The following BCKDHB variants were observed in gnomAD, a reference collection of about 807,000 sequenced individuals.
BCKDHB encodes 2-oxoisovalerate dehydrogenase subunit beta, mitochondrial.
In BCKDHB, 41 loss-of-function variants were observed where a neutral mutation model predicts 48.5. The ratio of observed to expected loss-of-function variants is 0.85; its 90% confidence interval spans 0.66 to 1.10. The LOEUF is 1.10. Among genes scored for constraint, BCKDHB ranks in the 50% least tolerant of loss-of-function variants. The pLI is 0.00. For synonymous variants in BCKDHB, 201 were observed against 174.8 expected (o/e 1.15, Z -1.18); for missense variants, 496 against 494.2 (o/e 1.00, Z -0.03).
intron 8 of BCKDHB, among the ~76,000 whole-genome samples, chr6:80,254,360 TGTGA>T (rs962764152): frequency 5.3e-5 from 8 of 152,086 alleles, no homozygotes; most frequent in Non-Finnish European, 8.8e-5. Context: ...GTGATTGTAA[TGTGA>T]GTGATTTTTA....
intron 3 of BCKDHB, among the ~76,000 whole-genome samples, chr6:80,137,476 A>G (rs1770945434): frequency 6.6e-6 from 1 of 151,772 alleles, no homozygotes; most frequent in Non-Finnish European, 1.5e-5. Flanking sequence ...GCAGCCTTGA[A>G]CTCTTGGGCT....
chr6:80,238,874 G>A (rs1265044453), intron 8 of BCKDHB, among the ~76,000 whole-genome samples: 4 of 152,054 alleles, frequency 2.6e-5, no homozygotes, highest in Non-Finnish European at 5.9e-5. Flanking sequence ...CCTTGTGATA[G>A]TTTGCTCAGA....
At chr6:80,266,491 A>G (rs988512997) in intron 8 of BCKDHB, among the ~76,000 whole-genome samples, 1 of 152,000 alleles carries the variant, frequency 6.6e-6, no homozygotes, top group Non-Finnish European at 1.5e-5. Context: ...CCAGTACAAT[A>G]CCTTTGCCGC....
chr6:80,418,075 G>C, the BCKDHB span, among the ~76,000 whole-genome samples: 1 of 151,868 alleles, frequency 6.6e-6, no homozygotes, highest in Non-Finnish European at 1.5e-5. Context: ...TTGTTTCAGA[G>C]AGCTCATCTT....
At chr6:80,465,207 T>C in the BCKDHB span, among the ~76,000 whole-genome samples, 1 of 152,126 alleles carries the variant, frequency 6.6e-6, no homozygotes, top group African/African-American at 2.4e-5. Context: ...AAGTGGTTAG[T>C]TTTAAAAGGC....
At chr6:80,195,665 A>G (rs1215273749) in intron 6 of BCKDHB, among the ~76,000 whole-genome samples, 5 of 152,272 alleles carry the variant, frequency 3.3e-5, no homozygotes, top group South Asian at 2.1e-4. Flanking sequence ...CTTTGTTCCA[A>G]TAATGGTCCT....
chr6:80,448,475 G>A, the BCKDHB span, among the ~76,000 whole-genome samples: 2 of 152,174 alleles, frequency 1.3e-5, no homozygotes, highest in Non-Finnish European at 2.9e-5. Context: ...GAGAGCTAAC[G>A]GTGGTTGGGG....
chr6:80,121,012 T>G (rs1190761255), intron 1 of BCKDHB, among the ~76,000 whole-genome samples: 2 of 152,214 alleles, frequency 1.3e-5, no homozygotes, highest in African/African-American at 2.4e-5. Flanking sequence ...CATTTAAGTC[T>G]TTAATCCATC....
At chr6:80,356,970 C>T in the BCKDHB span, 1 of 126,518 alleles carries the variant, frequency 7.9e-6, no homozygotes, top group African/African-American at 3.0e-5. Context: ...CCCACACACA[C>T]GATTTGTTAG....
the BCKDHB span, among the ~76,000 whole-genome samples, chr6:80,392,373 A>T: frequency 4.7e-5 from 7 of 149,160 alleles, no homozygotes; most frequent in East Asian, 5.9e-4. Flanking sequence ...TTTTTTTTTT[A>T]TTTATTTTGA....
intron 1 of BCKDHB, among the ~76,000 whole-genome samples, chr6:80,115,617 G>T (rs371836496): frequency 6.6e-6 from 1 of 151,370 alleles, no homozygotes; most frequent in Non-Finnish European, 1.5e-5. Flanking sequence ...TGTGTGTTAC[G>T]CACTGCGATA....
the BCKDHB span, among the ~76,000 whole-genome samples, chr6:80,372,150 A>AT: frequency 6.6e-6 from 1 of 151,792 alleles, no homozygotes; most frequent in Non-Finnish European, 1.5e-5. Flanking sequence ...GTTGTCTATG[A>AT]TTTTTTTAAG....
the BCKDHB span, among the ~76,000 whole-genome samples, chr6:80,405,397 C>G: frequency 6.6e-6 from 1 of 152,062 alleles, no homozygotes; most frequent in Non-Finnish European, 1.5e-5. Context: ...CTTTATTCAT[C>G]TTTTCACTTT....
chr6:80,414,325 CT>C, the BCKDHB span, among the ~76,000 whole-genome samples: 2 of 151,906 alleles, frequency 1.3e-5, no homozygotes, highest in African/African-American at 4.8e-5. Context: ...TCAATTTTGG[CT>C]TTTTTTGCCA....
chr6:80,426,491 C>T, the BCKDHB span, among the ~76,000 whole-genome samples: 2 of 152,074 alleles, frequency 1.3e-5, no homozygotes, highest in African/African-American at 4.8e-5. Flanking sequence ...ACTGCTTTAG[C>T]TGCCTCCCAT....
the BCKDHB span, among the ~76,000 whole-genome samples, chr6:80,421,061 C>G: frequency 6.6e-6 from 1 of 152,230 alleles, no homozygotes; most frequent in Middle Eastern, 3.4e-3. Flanking sequence ...GTGTCTCCAC[C>G]CAAATTTCAT....
At chr6:80,430,991 A>G in the BCKDHB span, among the ~76,000 whole-genome samples, 1 of 152,170 alleles carries the variant, frequency 6.6e-6, no homozygotes, top group African/African-American at 2.4e-5. Context: ...TCTGCTTTAA[A>G]TGTGGCCCAG....
At chr6:80,435,015 A>G in the BCKDHB span, among the ~76,000 whole-genome samples, 1 of 152,086 alleles carries the variant, frequency 6.6e-6, no homozygotes, top group Non-Finnish European at 1.5e-5. Flanking sequence ...GGCTTTCTTT[A>G]ATTCTAATCT....
chr6:80,366,174 T>C, the BCKDHB span, among the ~76,000 whole-genome samples: 1 of 152,226 alleles, frequency 6.6e-6, no homozygotes. Flanking sequence ...TAGCTGCTAA[T>C]GAAGCAGAAG....
Sources: gnomAD v4.1 joint callset for allele counts (sites outside exome capture counted in the v4.1 genomes callset) on GRCh38, gnomAD v4.1.1 for gene constraint, MANE v1.5 for transcripts, NCBI Gene and HGNC (gene_info 2026-07-23, HGNC 2026-07-21) for gene names.